RAD54L2: variants seen among roughly 807,000 people sequenced by gnomAD.
RAD54L2 encodes RAD54 like 2.
RAD54L2 carries 27 observed loss-of-function variants against 138.4 expected under a neutral mutation model. That is an observed-to-expected ratio of 0.20 (90% CI 0.14 to 0.27). The LOEUF is 0.27. Ranked by LOEUF, RAD54L2 falls within the 10% of genes least tolerant of loss-of-function variation. The pLI is 1.00. For missense variants in RAD54L2, 1,396 were observed against 1,890.2 expected (o/e 0.74, Z 4.85); for synonymous variants, 644 against 723.2 (o/e 0.89, Z 1.76).
intron 2 of RAD54L2, among the ~76,000 whole-genome samples, chr3:51,571,773 CCTT>C (rs966108143): frequency 1.3e-5 from 2 of 152,072 alleles, no homozygotes; most frequent in South Asian, 2.1e-4. Flanking sequence ...GACAGATGCC[CCTT>C]CTTCTCAAGA....
intron 2 of RAD54L2, among the ~76,000 whole-genome samples, chr3:51,588,508 C>A (rs1699760229): frequency 7.5e-6 from 1 of 132,928 alleles, no homozygotes; most frequent in East Asian, 2.1e-4. Flanking sequence ...GCATGCCAGC[C>A]TGGGTGACAG....
rs373657402 is a variant in RAD54L2, at chr3:51,645,144, G to T, written c.2571G>T (p.Lys857Asn). Residue 857 changes from lysine to asparagine, a missense_variant, in exon 17 of 23, where the codon AAG (lysine) becomes AAT (asparagine). Around this residue, in one of 7 missense-constraint regions of RAD54L2, gnomAD observed 78 missense variants for 171.6 expected, o/e 0.45. Transcript: ENST00000684192. The surrounding 1 kb of genome is among the most constrained non-coding windows in gnomAD (Gnocchi z 6.1). ...GGGTATACCGTTATGGCCAGAAAAAGCCCTGTTACATCTATCGCCTTGTGG... is the reference window on the plus strand; with the variant it reads ...GGGTATACCGTTATGGCCAGAAAAATCCCTGTTACATCTATCGCCTTGTGG... ...VCRVYRYGQK[K>N]PCYIYRLVAD... 34 of 1,613,812 alleles carry T rather than the reference G, an allele frequency of 2.1e-5. No homozygotes were observed. The highest frequency in any genetic ancestry group is 2.9e-5 in the Non-Finnish European group (34 of 1,179,880).
intron 2 of RAD54L2, among the ~76,000 whole-genome samples, chr3:51,576,613 A>T (rs1249232121): frequency 1.3e-5 from 2 of 151,988 alleles, no homozygotes; most frequent in African/African-American, 2.4e-5. Flanking sequence ...CATTTTTTCT[A>T]GATTTTCTAG....
At position 51,582,659 on chromosome 3, in the gene RAD54L2, A is replaced by G. The variant is rs866211016; in HGVS notation, c.-54-7708A>G. 7.4e-4 allele frequency among the ~76,000 whole-genome samples: 112 copies of G among 151,628 alleles called. 1 individual carries two copies. The highest frequency in any genetic ancestry group is 3.4e-3 in the Middle Eastern group (1 of 294). On this transcript the variant is annotated intron_variant, in intron 2 of 22. Coordinates refer to ENST00000684192, the MANE Select transcript of RAD54L2 (RefSeq NM_015106.4). ...GAACCTTTCATTTGCTCCCCTCAGA[A>G]TGGCCTTCTAGAACTTTGCCTCTGT...
At chr3:51,547,058 G>T (rs782140017) in intron 2 of RAD54L2, among the ~76,000 whole-genome samples, 2 of 150,310 alleles carry the variant, frequency 1.3e-5, no homozygotes, top group Non-Finnish European at 3.0e-5. Flanking sequence ...AAAGGAAGTT[G>T]TTGGTTGGCC....
At chr3:51,646,222 A>C in intron 18 of RAD54L2, 63 bp from the exon 19 acceptor site, 1 of 1,453,086 alleles carries the variant, frequency 6.9e-7, no homozygotes, top group Non-Finnish European at 9.4e-7. Context: ...CTTGGTCCTA[A>C]AGTAAGGCTC....
Position 51,662,303 on chromosome 3 carries a change from A to C in RAD54L2, c.3410-123A>C. 2 of 850,114 alleles carry C rather than the reference A, an allele frequency of 2.4e-6. No individual in the cohort carries two copies. Among genetic ancestry groups the C allele is most frequent in the Non-Finnish European group, 3.4e-6 (2 of 587,706 alleles). 52.7% of individuals were successfully genotyped at this position (850,114 alleles called of 1,614,324 possible). ...AAAGGTTGACTGGGTGATGTTGTTC[A>C]GACATCAAACTATTAGAATTTTGGG... On this transcript the variant is annotated intron_variant, in intron 22 of 22. Transcript: ENST00000684192. This position sits in a 1 kb window ranked among gnomAD's most constrained non-coding sequence, Gnocchi z 4.6.
chr3:51,663,554 G>T lies in RAD54L2; in HGVS notation c.*134G>T. The T allele has an allele frequency of 1.3e-6, 1 of 763,392 alleles. No individual in the cohort carries two copies. Among genetic ancestry groups the T allele is most frequent in the Non-Finnish European group, 1.9e-6 (1 of 530,056 alleles). The allele number at this position is 763,392 out of a possible 1,614,324, so 47.3% of individuals were successfully genotyped here. On this transcript the variant is annotated 3_prime_UTR_variant, in exon 23 of 23. Coordinates refer to ENST00000684192, the MANE Select transcript of RAD54L2 (RefSeq NM_015106.4). Reference sequence around the variant, plus strand: ...GGAAGAGGACAAAGGAGGGTGGTTGGCCAAAGTGGCAGAGCTCTGTTGCTG... The same window carrying T: ...GGAAGAGGACAAAGGAGGGTGGTTGTCCAAAGTGGCAGAGCTCTGTTGCTG...
At chr3:51,654,044 G>A (rs528872923) in intron 19 of RAD54L2, among the ~76,000 whole-genome samples, 7 of 152,164 alleles carry the variant, frequency 4.6e-5, no homozygotes, top group Admixed American at 4.6e-4. Context: ...TTTTATGAGT[G>A]GATTTGTTGT....
At chr3:51,601,346 C>G (rs1382640226) in intron 3 of RAD54L2, among the ~76,000 whole-genome samples, 1 of 145,204 alleles carries the variant, frequency 6.9e-6, no homozygotes, top group Non-Finnish European at 1.5e-5. Flanking sequence ...CTCGCTATGT[C>G]CCCCAGGCTG....
rs997880463 is a variant in RAD54L2 at position 51,645,436 on chromosome 3, G to A, written c.2657-155G>A. Among the ~76,000 whole-genome samples, 3 of 152,304 alleles carry A rather than the reference G, an allele frequency of 2.0e-5. No individual in the cohort carries two copies. Among genetic ancestry groups the A allele is most frequent in the South Asian group, 4.1e-4 (2 of 4,826 alleles). On this transcript the variant is annotated intron_variant, in intron 17 of 22. Transcript: ENST00000684192. This position sits in a 1 kb window ranked among gnomAD's most constrained non-coding sequence, Gnocchi z 6.1. ...GAGTTTAATGATAACAGCCAAGCTC[G>A]TTATACAAGTTTTCCCCTTATATGA...
chr3:51,655,915 A>G (rs1701586066), intron 19 of RAD54L2, 56 bp from the exon 20 acceptor site: 1 of 1,468,956 alleles, frequency 6.8e-7, no homozygotes, highest in South Asian at 1.3e-5. Flanking sequence ...TAGCCTTTGG[A>G]AAAGGTAACA....
intron 3 of RAD54L2, among the ~76,000 whole-genome samples, chr3:51,607,828 C>A (rs1243617123): frequency 2.0e-5 from 3 of 150,078 alleles, no homozygotes; most frequent in Non-Finnish European, 3.0e-5. Flanking sequence ...ACCTCCCAGA[C>A]GGGGCGGCTG....
intron 2 of RAD54L2, among the ~76,000 whole-genome samples, chr3:51,589,346 A>G (rs980576817): frequency 2.0e-5 from 3 of 152,124 alleles, no homozygotes; most frequent in Admixed American, 2.0e-4. Flanking sequence ...GCAGTGAGCT[A>G]TGATTGTGCC....
intron 2 of RAD54L2, among the ~76,000 whole-genome samples, chr3:51,582,752 T>C (rs939727592): frequency 6.6e-6 from 1 of 150,600 alleles, no homozygotes. Context: ...TTGAAGGGTC[T>C]AAGCCAGGGA....
At position 51,645,598 on chromosome 3, in the gene RAD54L2, G is replaced by A. The variant is rs1462452695; in HGVS notation, c.2664G>A (p.Val888=). 1 of 1,610,688 alleles carries A rather than the reference G, an allele frequency of 6.2e-7. No individual in the cohort carries two copies. Among genetic ancestry groups the A allele is most frequent in the Non-Finnish European group, 8.5e-7 (1 of 1,178,432 alleles). Residue 888 remains valine (V), a synonymous_variant, in exon 18 of 23, where the codon GTG becomes GTA. Transcript: ENST00000684192. The surrounding 1 kb of genome is among the most constrained non-coding windows in gnomAD (Gnocchi z 6.1). ...QISKQGMSDR[V]VDDLNPMLNF... ...ATGTCTTTATCCTTCTAGATCGGGT[G>A]GTGGATGATCTAAATCCAATGCTGA...
intron 2 of RAD54L2, among the ~76,000 whole-genome samples, chr3:51,574,634 T>C (rs538774403): frequency 1.3e-5 from 2 of 152,370 alleles, no homozygotes; most frequent in South Asian, 4.1e-4. Flanking sequence ...GTTGGCTGCA[T>C]AAATGTCTTC....
At chr3:51,581,213 T>A (rs1229018164) in intron 2 of RAD54L2, among the ~76,000 whole-genome samples, 2 of 152,156 alleles carry the variant, frequency 1.3e-5, no homozygotes, top group Non-Finnish European at 2.9e-5. Flanking sequence ...TTCTCCTGCC[T>A]CAGTCTACCA....
intron 3 of RAD54L2, among the ~76,000 whole-genome samples, chr3:51,597,422 G>T (rs1699987114): frequency 6.6e-6 from 1 of 152,172 alleles, no homozygotes; most frequent in Admixed American, 6.5e-5. Flanking sequence ...GATTGGTGAA[G>T]TGGTGTCAAG....
Sources: allele counts gnomAD v4.1 joint callset (sites outside exome capture counted in the v4.1 genomes callset), GRCh38; gene constraint gnomAD v4.1.1; regional missense constraint gnomAD v4.1.1; non-coding constraint Gnocchi (gnomAD v3.1); transcripts MANE v1.5; gene names NCBI Gene and HGNC (gene_info 2026-07-23, HGNC 2026-07-21).